Variants in COL8A1 observed in about 807,000 individuals in gnomAD.
COL8A1 encodes the protein collagen type VIII alpha 1 chain.
In COL8A1, 21 loss-of-function variants were observed where a neutral mutation model predicts 42.7. That is an observed-to-expected ratio of 0.49 (90% CI 0.35 to 0.71). COL8A1 has a LOEUF of 0.71. Among genes scored for constraint, COL8A1 ranks in the 30% least tolerant of loss-of-function variants. The probability of loss-of-function intolerance (pLI) is 0.01; values close to 1 mark genes in which losing one functional copy is unlikely to be tolerated. For synonymous variants in COL8A1, 367 were observed against 369.1 expected, an observed-to-expected ratio of 0.99 and a Z score of 0.06; for missense variants, 788 against 962.4, an observed-to-expected ratio of 0.82 and a Z score of 2.40.
intron 2 of COL8A1, among the ~76,000 whole-genome samples, chr3:99,753,651 T>C (rs1033327559): frequency 6.6e-6 from 1 of 152,182 alleles, no homozygotes; most frequent in African/African-American, 2.4e-5. Context: ...GAAACTGCTT[T>C]TTTTTTACAC....
chr3:99,767,179 G>A (rs1312080491), intron 2 of COL8A1, among the ~76,000 whole-genome samples: 1 of 152,176 alleles, frequency 6.6e-6, no homozygotes, highest in Non-Finnish European at 1.5e-5. Flanking sequence ...GGCTCAGAAG[G>A]TGACACTTTT....
chr3:99,656,046 A>G (rs889360407), intron 1 of COL8A1, among the ~76,000 whole-genome samples: 1 of 152,266 alleles, frequency 6.6e-6, no homozygotes, highest in African/African-American at 2.4e-5. Flanking sequence ...ACTGAATCAC[A>G]GCTAATTATA....
chr3:99,647,786 TG>T (rs1202690409), intron 1 of COL8A1, among the ~76,000 whole-genome samples: 1 of 152,230 alleles, frequency 6.6e-6, no homozygotes, highest in Non-Finnish European at 1.5e-5. Flanking sequence ...AGCTAATTTC[TG>T]TAGGAGGAAC....
chr3:99,707,098 G>A (rs950255868), intron 1 of COL8A1: 21 of 152,164 alleles, frequency 1.4e-4, no homozygotes, highest in African/African-American at 4.6e-4. Flanking sequence ...AATGCAGTAT[G>A]GTGAAGAGGA....
intron 2 of COL8A1, among the ~76,000 whole-genome samples, chr3:99,780,660 T>C (rs1941777178): frequency 1.3e-5 from 2 of 152,076 alleles, no homozygotes; most frequent in African/African-American, 4.8e-5. Flanking sequence ...TGCCTTATAA[T>C]GAGTTTTGCT....
intron 1 of COL8A1, among the ~76,000 whole-genome samples, chr3:99,735,327 C>T (rs1206431353): frequency 1.8e-4 from 11 of 62,094 alleles, no homozygotes; most frequent in South Asian, 4.7e-4. Flanking sequence ...TACGTCCCAT[C>T]AATACCTAAT....
At chr3:99,665,103 C>T (rs1161979104) in intron 1 of COL8A1, among the ~76,000 whole-genome samples, 2 of 152,214 alleles carry the variant, frequency 1.3e-5, no homozygotes, top group Non-Finnish European at 2.9e-5. Flanking sequence ...CTCCCTCATC[C>T]CCTTCCATGT....
At chr3:99,641,243 C>T (rs1301078895) in intron 1 of COL8A1, among the ~76,000 whole-genome samples, 1 of 152,096 alleles carries the variant, frequency 6.6e-6, no homozygotes. Flanking sequence ...TGTTACGAAA[C>T]GCAACTTCTC....
intron 1 of COL8A1, among the ~76,000 whole-genome samples, chr3:99,701,457 G>A (rs1351061632): frequency 2.0e-5 from 3 of 152,142 alleles, no homozygotes; most frequent in African/African-American, 7.2e-5. Flanking sequence ...CTTTGGCAGT[G>A]GAGTATTTTG....
rs1369098649 is a variant in COL8A1, at chr3:99,664,061, C to A, written c.-129+25397C>A. Among the ~76,000 whole-genome samples the A allele has an allele frequency of 2.0e-5, 3 of 152,208 alleles. No individual in the cohort carries two copies. The East Asian group carries it at 5.8e-4, about 29-fold the overall frequency. ...AGTGTGCATAACAGCAACGTTAGCA[C>A]TGAGTCTATCCATGGGACCAAAGTG... On this transcript the variant is annotated intron_variant, in intron 1 of 3. Transcript: ENST00000652472.
chr3:99,639,845 C>G (rs1338170486), intron 1 of COL8A1, among the ~76,000 whole-genome samples: 1 of 152,172 alleles, frequency 6.6e-6, no homozygotes, highest in Middle Eastern at 3.2e-3. Flanking sequence ...GTCAGGAAAC[C>G]AAACCACTCT....
chr3:99,686,718 A>C (rs1939063403), intron 1 of COL8A1, among the ~76,000 whole-genome samples: 1 of 151,994 alleles, frequency 6.6e-6, no homozygotes, highest in African/African-American at 2.4e-5. Flanking sequence ...ACAGGGCCTC[A>C]CTCTGTCACC....
chr3:99,756,555 C>A (rs764807995), intron 2 of COL8A1, among the ~76,000 whole-genome samples: 4 of 152,132 alleles, frequency 2.6e-5, no homozygotes, highest in Non-Finnish European at 5.9e-5. Context: ...ACAAGGAAAA[C>A]GTCCACAGTT....
At chr3:99,737,292 C>A (rs1307077369) in intron 1 of COL8A1, among the ~76,000 whole-genome samples, 1 of 151,494 alleles carries the variant, frequency 6.6e-6, no homozygotes, top group Admixed American at 6.6e-5. Context: ...GGTTATGTTG[C>A]TCATTAGTTG....
intron 1 of COL8A1, among the ~76,000 whole-genome samples, chr3:99,683,619 G>A (rs1187862155): frequency 6.6e-6 from 1 of 151,442 alleles, no homozygotes; most frequent in Non-Finnish European, 1.5e-5. Context: ...TTTTTTCAAA[G>A]GAGTGGGTTG....
chr3:99,745,741 C>T (rs1941011859), intron 2 of COL8A1, among the ~76,000 whole-genome samples: 1 of 151,734 alleles, frequency 6.6e-6, no homozygotes, highest in Non-Finnish European at 1.5e-5. Context: ...AAAATAATAA[C>T]AGCATGCCAG....
intron 2 of COL8A1, among the ~76,000 whole-genome samples, chr3:99,775,471 G>A (rs187916021): frequency 3.3e-4 from 50 of 152,286 alleles, no homozygotes; most frequent in East Asian, 5.8e-4. Context: ...GCCAGTTTCC[G>A]TGGAGCTTTG....
At chr3:99,726,956 AT>A (rs1940351014) in intron 1 of COL8A1, among the ~76,000 whole-genome samples, 1 of 152,170 alleles carries the variant, frequency 6.6e-6, no homozygotes, top group African/African-American at 2.4e-5. Flanking sequence ...AAAGAAAGTC[AT>A]TGGTAGCTTT....
At chr3:99,748,742 G>A (rs1052365648) in intron 2 of COL8A1, among the ~76,000 whole-genome samples, 1 of 152,168 alleles carries the variant, frequency 6.6e-6, no homozygotes, top group Non-Finnish European at 1.5e-5. Flanking sequence ...GGGCAAGGTA[G>A]ATTAGCAGCA....
Sources: allele counts gnomAD v4.1 joint callset (sites outside exome capture counted in the v4.1 genomes callset), GRCh38; gene constraint gnomAD v4.1.1; transcripts MANE v1.5; gene names NCBI Gene and HGNC (gene_info 2026-07-23, HGNC 2026-07-21).